The following PLD1 variants were observed in gnomAD, a reference collection of about 807,000 sequenced individuals.
PLD1 encodes the protein choline phosphatase 1.
A neutral mutation model predicts 137.1 loss-of-function variants in PLD1; 112 were observed. The observed-to-expected ratio is 0.82, with a 90% CI of 0.70 to 0.96. PLD1 has a LOEUF of 0.96. Among genes scored for constraint, PLD1 ranks in the 40% least tolerant of loss-of-function variants. The probability of loss-of-function intolerance (pLI) is 0.00; values close to 1 mark genes in which losing one functional copy is unlikely to be tolerated. For synonymous variants in PLD1, 431 were observed against 454.7 expected, an observed-to-expected ratio of 0.95 and a Z score of 0.66; for missense variants, 1,321 against 1,342.0, an observed-to-expected ratio of 0.98 and a Z score of 0.24.
chr3:171,793,278 T>G (rs987028694), intron 1 of PLD1: 2 of 152,198 alleles, frequency 1.3e-5, no homozygotes, highest in African/African-American at 4.8e-5. Context: ...TTGGGAAATT[T>G]TCAGCAATTT....
At chr3:171,607,073 T>TA (rs1477971154) in intron 25 of PLD1, among the ~76,000 whole-genome samples, 3 of 152,206 alleles carry the variant, frequency 2.0e-5, no homozygotes, top group Non-Finnish European at 4.4e-5. Context: ...TTCCACTGTA[T>TA]AAAAATTTTT....
At chr3:171,791,880 G>A (rs1269595306) in intron 1 of PLD1, 1 of 152,306 alleles carries the variant, frequency 6.6e-6, no homozygotes, top group African/African-American at 2.4e-5. Flanking sequence ...GGGCCGAAGT[G>A]TTCCCAGTGT....
rs6786358 is a variant in PLD1 at position 171,710,228 on chromosome 3, T to C, written c.912-519A>G. On this transcript the variant is annotated intron_variant, in intron 9 of 26. Transcript: ENST00000351298. ...GGCACCCGCCACCACGCCCGGCTAA[T>C]TTTTTTGTATTTTTAGTAGAGACGG... 9.3e-3 allele frequency among the ~76,000 whole-genome samples: 1,417 copies of C among 151,962 alleles called. 20 individuals are homozygous for C. Among genetic ancestry groups the C allele is most frequent in the African/African-American group, 0.032 (1,328 of 41,484 alleles).
At chr3:171,808,416 T>G (rs1251489652) in intron 1 of PLD1, among the ~76,000 whole-genome samples, 1 of 151,948 alleles carries the variant, frequency 6.6e-6, no homozygotes, top group Non-Finnish European at 1.5e-5. Context: ...GGCGCCTGTT[T>G]TCCCAGCTAC....
intron 23 of PLD1, among the ~76,000 whole-genome samples, chr3:171,626,567 G>A (rs957310087): frequency 1.3e-5 from 2 of 152,146 alleles, no homozygotes; most frequent in Admixed American, 1.3e-4. Context: ...CAGCAAAGTT[G>A]AAATGAAGGA....
chr3:171,721,793 AAAAG>A (rs1473004840), intron 8 of PLD1, among the ~76,000 whole-genome samples: 51 of 151,982 alleles, frequency 3.4e-4, no homozygotes, highest in Non-Finnish European at 6.5e-4. Context: ...CAGAAAAAAA[AAAAG>A]AAAAAAAACT....
intron 16 of PLD1, among the ~76,000 whole-genome samples, chr3:171,679,897 T>C (rs1713782056): frequency 6.6e-6 from 1 of 152,168 alleles, no homozygotes; most frequent in South Asian, 2.1e-4. Context: ...GCATCAACAA[T>C]GCTGATCCAA....
chr3:171,627,794 A>G (rs374737227), intron 23 of PLD1, among the ~76,000 whole-genome samples: 2 of 152,102 alleles, frequency 1.3e-5, no homozygotes, highest in Non-Finnish European at 1.5e-5. Context: ...CAGAAATAAA[A>G]ATGTTCTTTG....
intron 23 of PLD1, among the ~76,000 whole-genome samples, chr3:171,626,478 T>C (rs572907158): frequency 6.6e-6 from 1 of 152,040 alleles, no homozygotes; most frequent in Non-Finnish European, 1.5e-5. Context: ...CAGGCCAACA[T>C]TCAGATTCAG....
intron 26 of PLD1, 84 bp from the exon 27 acceptor site, chr3:171,603,386 C>T: frequency 3.4e-6 from 3 of 878,534 alleles, no homozygotes; most frequent in Non-Finnish European, 5.5e-6. Context: ...TTCCAACAGA[C>T]AAGACCTCTG....
At chr3:171,712,190 G>A (rs1717292641) in intron 9 of PLD1, among the ~76,000 whole-genome samples, 1 of 152,202 alleles carries the variant, frequency 6.6e-6, no homozygotes. Flanking sequence ...TGAAAGTCAT[G>A]AAGACAGGGA....
At chr3:171,727,781 C>T (rs1718645893) in intron 6 of PLD1, among the ~76,000 whole-genome samples, 2 of 152,174 alleles carry the variant, frequency 1.3e-5, no homozygotes, top group South Asian at 2.1e-4. Flanking sequence ...CAAAAGTTTT[C>T]CATGTAAGTT....
intron 16 of PLD1, among the ~76,000 whole-genome samples, chr3:171,680,706 A>G (rs1365340980): frequency 6.6e-6 from 1 of 152,144 alleles, no homozygotes; most frequent in Non-Finnish European, 1.5e-5. Context: ...CCATAAAATC[A>G]AGTCTTTCCT....
intron 14 of PLD1, 50 bp downstream of exon 14, chr3:171,688,626 T>C (rs1363389006): frequency 1.2e-5 from 16 of 1,370,074 alleles, no homozygotes; most frequent in Admixed American, 1.7e-5. Context: ...TACAAACTTA[T>C]ACAAATTATG....
At chr3:171,714,207 A>C (rs1717497466) in intron 8 of PLD1, among the ~76,000 whole-genome samples, 162 bp from the exon 9 acceptor site, 1 of 151,930 alleles carries the variant, frequency 6.6e-6, no homozygotes, top group Non-Finnish European at 1.5e-5. Context: ...TGAAACAAAC[A>C]AAAAAAACCC....
chr3:171,673,701 G>C (rs1386245435), intron 19 of PLD1, among the ~76,000 whole-genome samples: 5 of 152,122 alleles, frequency 3.3e-5, no homozygotes, highest in Non-Finnish European at 7.4e-5. Flanking sequence ...ACATTCCCTA[G>C]GATCCATGTC....
chr3:171,702,133 A>T (rs56385211), intron 11 of PLD1, among the ~76,000 whole-genome samples: 12,644 of 152,212 alleles, frequency 0.083, 1,580 homozygotes, highest in African/African-American at 0.27. Flanking sequence ...ATGAAACTAG[A>T]TGTTGACTCT....
At chr3:171,700,332 ACACT>A (rs1355738785) in intron 11 of PLD1, among the ~76,000 whole-genome samples, 1 of 138,452 alleles carries the variant, frequency 7.2e-6, no homozygotes, top group African/African-American at 2.8e-5. Context: ...ACACACACAC[ACACT>A]CTCTCTCTCT....
intron 23 of PLD1, among the ~76,000 whole-genome samples, chr3:171,623,689 A>T (rs1733841309): frequency 6.6e-6 from 1 of 152,110 alleles, no homozygotes; most frequent in Non-Finnish European, 1.5e-5. Context: ...CTAGCAGATA[A>T]ATAGACAGAT....
Sources: allele counts gnomAD v4.1 joint callset (sites outside exome capture counted in the v4.1 genomes callset), GRCh38; gene constraint gnomAD v4.1.1; transcripts MANE v1.5; gene names NCBI Gene and HGNC (gene_info 2026-07-23, HGNC 2026-07-21).